The following WWC1 variants were observed in gnomAD, a reference collection of about 807,000 sequenced individuals.
WWC1 encodes the protein protein KIBRA.
In WWC1, 55 loss-of-function variants were observed where a neutral mutation model predicts 138.4. The ratio of observed to expected loss-of-function variants is 0.40; its 90% CI spans 0.32 to 0.50. The LOEUF is 0.50. WWC1 is among the 20% of genes least tolerant of loss of function. The pLI is 0.72. For missense variants in WWC1, 1,226 were observed against 1,420.4 expected, an observed-to-expected ratio of 0.86 and a Z score of 2.20; for synonymous variants, 524 against 564.9, an observed-to-expected ratio of 0.93 and a Z score of 1.03.
intron 19 of WWC1, 150 bp downstream of exon 19, chr5:168,455,670 G>A (rs898517272): frequency 1.9e-5 from 18 of 966,068 alleles, no homozygotes; most frequent in East Asian, 5.7e-5. Context: ...TGGAGTTCAC[G>A]GGCCTACTTC....
intron 1 of WWC1, among the ~76,000 whole-genome samples, chr5:168,311,963 C>A (rs1359743503): frequency 1.3e-5 from 2 of 150,658 alleles, no homozygotes; most frequent in Non-Finnish European, 3.0e-5. Flanking sequence ...GCAGGAGAAT[C>A]TCTTGAACCT....
intron 15 of WWC1, among the ~76,000 whole-genome samples, chr5:168,441,032 A>G (rs1291999116): frequency 6.6e-6 from 1 of 152,190 alleles, no homozygotes; most frequent in Non-Finnish European, 1.5e-5. Context: ...TGACCGCATC[A>G]CCGCACTCCA....
At position 168,447,675 on chromosome 5, in the gene WWC1, T is replaced by C. The variant is rs148179224; in HGVS notation, c.2525+3090T>C. On this transcript the variant is annotated intron_variant, in intron 17 of 22. Coordinates refer to ENST00000265293, the MANE Select transcript of WWC1 (RefSeq NM_015238.3). Reference sequence around the variant, plus strand: ...TTTTACTCTTCTCTCTTACTATTTTTTTCATGTGATAAAGCAGATGGCAAG... The same window carrying C: ...TTTTACTCTTCTCTCTTACTATTTTCTTCATGTGATAAAGCAGATGGCAAG... Among the ~76,000 whole-genome samples the C allele has an allele frequency of 3.0e-4, 45 of 152,314 alleles. No homozygotes were observed. The East Asian group carries it at 8.5e-3, about 29-fold the overall frequency.
rs150681901 is a variant in WWC1 at position 168,375,526 on chromosome 5, T to C, written c.229+3993T>C. On this transcript the variant is annotated intron_variant, in intron 2 of 22. Coordinates refer to ENST00000265293, the MANE Select transcript of WWC1 (RefSeq NM_015238.3). ...AGTCTAAAAGAAAACAGGGGAGGAA[T>C]TGGAAGCAGCAATGCAGACAACTCT... Among the ~76,000 whole-genome samples the C allele has an allele frequency of 3.9e-5, 6 of 151,972 alleles. No individual in the cohort carries two copies. In the East Asian group the frequency reaches 7.7e-4, roughly 20 times the overall value.
chr5:168,399,920 G>A lies in WWC1; in HGVS notation c.590+353G>A, dbSNP rs114443474. Among the ~76,000 whole-genome samples the A allele has an allele frequency of 3.2e-3, 489 of 152,238 alleles. 3 individuals are homozygous for A. Among genetic ancestry groups the A allele is most frequent in the African/African-American group, 0.011 (469 of 41,546 alleles). ...CCTCATCTCTAGTCAATCCAGTAGG[G>A]TCTCATATGCACACAAACAAAATAC... On this transcript the variant is annotated intron_variant, in intron 5 of 22. Coordinates refer to ENST00000265293, the MANE Select transcript of WWC1 (RefSeq NM_015238.3).
chr5:168,403,319 G>A lies in WWC1; in HGVS notation c.591-2879G>A, dbSNP rs544913270. 3.6e-4 allele frequency among the ~76,000 whole-genome samples: 54 copies of A among 152,054 alleles called. No homozygotes were observed. The South Asian group carries it at 0.01, about 29-fold the overall frequency. On this transcript the variant is annotated intron_variant, in intron 5 of 22. Coordinates refer to ENST00000265293, the MANE Select transcript of WWC1 (RefSeq NM_015238.3). Reference sequence around the variant, plus strand: ...TCACTGTGTTAGCCAGGATGGTCTCGATCTCCTGACTTCGTGATCTGCCCA... The same window carrying A: ...TCACTGTGTTAGCCAGGATGGTCTCAATCTCCTGACTTCGTGATCTGCCCA...
chr5:168,412,886 A>T (rs1780336802), intron 8 of WWC1, among the ~76,000 whole-genome samples: 1 of 152,194 alleles, frequency 6.6e-6, no homozygotes, highest in African/African-American at 2.4e-5. Flanking sequence ...TATATAAAGC[A>T]CTTGAGCATC....
intron 1 of WWC1, among the ~76,000 whole-genome samples, chr5:168,335,149 A>G (rs761658854): frequency 3.3e-5 from 5 of 152,204 alleles, no homozygotes; most frequent in Admixed American, 1.3e-4. Flanking sequence ...AGTCACTTCT[A>G]AGTCCACTCA....
intron 17 of WWC1, among the ~76,000 whole-genome samples, chr5:168,452,764 TTCCTCC>T (rs34833216): frequency 0.11 from 16,503 of 151,056 alleles, 1,245 homozygotes; most frequent in Non-Finnish European, 0.16. Flanking sequence ...TCTCTCCCTC[TTCCTCC>T]TCCTCCTCCT....
At chr5:168,395,330 C>T (rs936708864) in intron 3 of WWC1, among the ~76,000 whole-genome samples, 4 of 152,180 alleles carry the variant, frequency 2.6e-5, no homozygotes, top group South Asian at 2.1e-4. Context: ...CCCTTGAGGA[C>T]GTTTCTGTGT....
rs61740510 is a variant in WWC1 at position 168,430,220 on chromosome 5, A to G, written c.2084A>G (p.Lys695Arg). The G allele has an allele frequency of 1.5e-3, 2,344 of 1,613,200 alleles. 5 individuals are homozygous for G. Among genetic ancestry groups the G allele is most frequent in the Middle Eastern group, 2.1e-3 (13 of 6,054 alleles). Residue 695 changes from lysine (K) to arginine (R), a missense_variant, in exon 14 of 23, where the codon AAA becomes AGA. Physicochemically the swap from Lys to Arg is conservative, Grantham distance 26. Around this residue, in one of 3 missense-constraint regions of WWC1, gnomAD observed 1,016 missense variants for 1,153.9 expected, o/e 0.88. Coordinates refer to ENST00000265293, the MANE Select transcript of WWC1 (RefSeq NM_015238.3). ...LSALLQQQDQKVNIRVAVLPC... is the reference protein window; with the variant it reads ...LSALLQQQDQRVNIRVAVLPC... ...GCTCTGTTGCAGCAACAAGACCAGA[A>G]AGTGTGAGTATGTAGCTGGACAGGT... is the stretch of plus-strand genomic sequence containing the variant.
Position 168,292,418 on chromosome 5 carries a change from C to A in WWC1, c.119+147C>A. 2.1e-6 allele frequency: 2 copies of A among 965,536 alleles called. No homozygotes were observed. Among genetic ancestry groups the A allele is most frequent in the South Asian group, 1.8e-5 (1 of 56,450 alleles). The allele number at this position is 965,536 out of a possible 1,614,324, so 59.8% of individuals were successfully genotyped here. A position where few individuals can be genotyped will look rare whatever the true frequency, so the allele number is the denominator to read the frequency against. On this transcript the variant is annotated intron_variant, in intron 1 of 22. Coordinates refer to ENST00000265293, the MANE Select transcript of WWC1 (RefSeq NM_015238.3). This position sits in a 1 kb window ranked among gnomAD's most constrained non-coding sequence, Gnocchi z 4.4. ...TCAGTTCGCCACCCCCTGCTCCCCC[C>A]AACCTTCTGGAGCGCTGCTCCCGCC...
chr5:168,310,836 T>TAAAAAAAAAA (rs541770385), intron 1 of WWC1, among the ~76,000 whole-genome samples: 1 of 112,198 alleles, frequency 8.9e-6, no homozygotes, highest in Non-Finnish European at 2.1e-5. Context: ...AGACCCTGTC[T>TAAAAAAAAAA]AAAAAAAAAG....
intron 1 of WWC1, among the ~76,000 whole-genome samples, chr5:168,357,095 C>G (rs1173963101): frequency 6.6e-6 from 1 of 152,096 alleles, no homozygotes; most frequent in Non-Finnish European, 1.5e-5. Context: ...TCACAAGTTT[C>G]TCTTTGTTGG....
intron 15 of WWC1, 87 bp downstream of exon 15, chr5:168,431,531 G>A (rs1781944719): frequency 2.8e-6 from 4 of 1,428,452 alleles, no homozygotes; most frequent in African/African-American, 2.9e-5. Context: ...TATGGGGATT[G>A]GTCTACCCTG....
intron 1 of WWC1, among the ~76,000 whole-genome samples, chr5:168,314,463 A>C (rs1183556807): frequency 2.0e-5 from 3 of 152,160 alleles, no homozygotes; most frequent in Non-Finnish European, 4.4e-5. Context: ...GCTACTCAGG[A>C]GGCTGAGGCA....
chr5:168,416,386 T>G (rs1780655406), intron 9 of WWC1: 1 of 152,238 alleles, frequency 6.6e-6, no homozygotes. Context: ...AGAAGTCTTC[T>G]TTAGCACCAC....
At chr5:168,358,048 G>A (rs892752999) in intron 1 of WWC1, among the ~76,000 whole-genome samples, 1 of 152,178 alleles carries the variant, frequency 6.6e-6, no homozygotes, top group African/African-American at 2.4e-5. Flanking sequence ...GGAATCCACA[G>A]ACTTGGGACC....
chr5:168,291,931 G>A lies in WWC1; in HGVS notation c.-222G>A, dbSNP rs1769081565. ...GCGGACGCACATGGCAGCGTGAGAG[G>A]CCGGCGGCGGGAGGAGCGGGCGGCG... On this transcript the variant is annotated 5_prime_UTR_variant, in exon 1 of 23. Coordinates refer to ENST00000265293, the MANE Select transcript of WWC1 (RefSeq NM_015238.3). The A allele has an allele frequency of 1.5e-5, 4 of 273,528 alleles. No homozygotes were observed. The highest frequency in any genetic ancestry group is 2.6e-5 in the Non-Finnish European group (4 of 153,044). The allele number at this position is 273,528 out of a possible 1,614,324, so 16.9% of individuals were successfully genotyped here. A position where few individuals can be genotyped will look rare whatever the true frequency, so the allele number is the denominator to read the frequency against.
Sources: allele counts gnomAD v4.1 joint callset (sites outside exome capture counted in the v4.1 genomes callset), GRCh38; gene constraint gnomAD v4.1.1; regional missense constraint gnomAD v4.1.1; non-coding constraint Gnocchi (gnomAD v3.1); transcripts MANE v1.5; gene names NCBI Gene and HGNC (gene_info 2026-07-23, HGNC 2026-07-21).